The following SH3BP4 variants were observed in gnomAD, a reference collection of about 807,000 sequenced individuals.
SH3BP4 encodes SH3 domain binding protein 4.
A neutral mutation model predicts 65.5 loss-of-function variants in SH3BP4; 33 were observed. The observed-to-expected ratio is 0.50, with a 90% CI of 0.38 to 0.67. The LOEUF (loss-of-function observed/expected upper bound fraction) is 0.67, where lower values mean the gene tolerates loss of function less well. Among genes scored for constraint, SH3BP4 ranks in the 30% least tolerant of loss-of-function variants. SH3BP4 has a pLI of 0.00. For missense variants in SH3BP4, 1,134 were observed against 1,261.4 expected, an observed-to-expected ratio of 0.90 and a Z score of 1.53; for synonymous variants, 552 against 545.5, an observed-to-expected ratio of 1.01 and a Z score of -0.17.
At chr2:234,961,567 C>T (rs777973887) in intron 1 of SH3BP4, among the ~76,000 whole-genome samples, 5 of 152,092 alleles carry the variant, frequency 3.3e-5, no homozygotes, top group South Asian at 2.1e-4. Flanking sequence ...CCACTGCGCC[C>T]GGCCTCCATG....
chr2:234,957,131 C>T (rs1470096693), intron 1 of SH3BP4, among the ~76,000 whole-genome samples: 1 of 152,174 alleles, frequency 6.6e-6, no homozygotes, highest in African/African-American at 2.4e-5. Context: ...AGCTGTTCTC[C>T]TACCTCAGCC....
intron 3 of SH3BP4, among the ~76,000 whole-genome samples, chr2:235,037,177 A>G (rs1378099229): frequency 6.6e-6 from 1 of 152,196 alleles, no homozygotes; most frequent in Non-Finnish European, 1.5e-5. Flanking sequence ...TTTGTATTAA[A>G]ATCAAGGTGG....
chr2:235,025,036 A>G (rs1694956358), intron 2 of SH3BP4, among the ~76,000 whole-genome samples: 1 of 152,004 alleles, frequency 6.6e-6, no homozygotes, highest in African/African-American at 2.4e-5. Context: ...GCTTGGAAGT[A>G]TTTCTGGTCT....
chr2:235,007,882 G>A (rs879499297), intron 2 of SH3BP4, among the ~76,000 whole-genome samples: 6 of 152,212 alleles, frequency 3.9e-5, no homozygotes, highest in Non-Finnish European at 7.3e-5. Flanking sequence ...ATGCGCCAGC[G>A]AGGAGACCAG....
At chr2:235,010,677 T>G (rs2106295195) in intron 2 of SH3BP4, among the ~76,000 whole-genome samples, 1 of 152,288 alleles carries the variant, frequency 6.6e-6, no homozygotes, top group Middle Eastern at 3.4e-3. Flanking sequence ...GGCTGGAGCC[T>G]GAAAGCAAGA....
chr2:235,049,771 T>G (rs939785136), intron 4 of SH3BP4, among the ~76,000 whole-genome samples: 2 of 152,230 alleles, frequency 1.3e-5, no homozygotes, highest in Non-Finnish European at 2.9e-5. Context: ...CCCAATTCCA[T>G]GTGGGGCTCA....
Position 235,042,877 on chromosome 2 carries a change from A to G in SH3BP4, c.2108A>G (p.Tyr703Cys), listed in dbSNP as rs1441745577. Reference protein sequence around the residue: ...LRGQLWTKEWYIGYYQGRVGL... With the variant: ...LRGQLWTKEWCIGYYQGRVGL... ...GGCCAGCTGTGGACCAAGGAGTGGTACATCGGCTACTACCAGGGCAGGGTG... is the reference window on the plus strand; with the variant it reads ...GGCCAGCTGTGGACCAAGGAGTGGTGCATCGGCTACTACCAGGGCAGGGTG... Residue 703 changes from tyrosine to cysteine, a missense_variant, in exon 4 of 6, where the codon TAC becomes TGC. Coordinates refer to ENST00000392011, the MANE Select transcript of SH3BP4 (RefSeq NM_014521.3). This position sits in a 1 kb window ranked among gnomAD's most constrained non-coding sequence, Gnocchi z 7.3. 6.2e-7 allele frequency: 1 copy of G among 1,613,528 alleles called. No homozygotes were observed. The highest frequency in any genetic ancestry group is 8.5e-7 in the Non-Finnish European group (1 of 1,179,976).
chr2:234,989,617 G>A (rs1693686831), intron 1 of SH3BP4, among the ~76,000 whole-genome samples: 1 of 152,204 alleles, frequency 6.6e-6, no homozygotes, highest in Non-Finnish European at 1.5e-5. Context: ...CATAAGGTCT[G>A]TGTCACAGCT....
rs572079984 is a variant in SH3BP4, at chr2:234,997,862, C to G, written c.-133+2486C>G. On this transcript the variant is annotated intron_variant, in intron 2 of 5. Transcript: ENST00000392011. This position sits in a 1 kb window ranked among gnomAD's most constrained non-coding sequence, Gnocchi z 4.2. ...AGAAGACTGGGTGCGGTGGCTCATG[C>G]CTGTAATCCCAGCACTTTGGGAGGC... 4.6e-5 allele frequency among the ~76,000 whole-genome samples: 7 copies of G among 152,300 alleles called. No individual in the cohort carries two copies. The South Asian group carries it at 1.4e-3, about 32-fold the overall frequency.
chr2:235,052,483 C>T lies in SH3BP4; in HGVS notation c.2479-79C>T, dbSNP rs1353256221. 8 of 1,177,882 alleles carry T rather than the reference C, an allele frequency of 6.8e-6. No homozygotes were observed. The highest frequency in any genetic ancestry group is 8.2e-6 in the Non-Finnish European group (7 of 857,348). 73.0% of individuals were successfully genotyped at this position (1,177,882 alleles called of 1,614,324 possible). On this transcript the variant is annotated intron_variant, in intron 4 of 5. Coordinates refer to ENST00000392011, the MANE Select transcript of SH3BP4 (RefSeq NM_014521.3). This position sits in a 1 kb window ranked among gnomAD's most constrained non-coding sequence, Gnocchi z 5.0. ...AGAGAGCCCATGGCCATTCCTGCGC[C>T]GTCTGCTGGAATTCTGCGGGGAGCA...
At chr2:235,017,220 T>C (rs1416603968) in intron 2 of SH3BP4, among the ~76,000 whole-genome samples, 3 of 151,616 alleles carry the variant, frequency 2.0e-5, no homozygotes, top group East Asian at 1.9e-4. Context: ...GAGGCCAAGG[T>C]GGGTGGATCA....
chr2:235,021,439 C>A (rs953109365), intron 2 of SH3BP4, among the ~76,000 whole-genome samples: 2 of 151,334 alleles, frequency 1.3e-5, no homozygotes, highest in Non-Finnish European at 2.9e-5. Flanking sequence ...CATGGTGAAA[C>A]CCTGTCTCTA....
intron 2 of SH3BP4, among the ~76,000 whole-genome samples, chr2:235,031,903 C>G (rs1483138207): frequency 1.3e-5 from 2 of 152,274 alleles, no homozygotes; most frequent in Admixed American, 1.3e-4. Flanking sequence ...CTTTGCAGAG[C>G]CAGGACATGC....
rs1388116711 is a variant in SH3BP4, at chr2:234,977,340, G to T, written c.-206-17963G>T. On this transcript the variant is annotated intron_variant, in intron 1 of 5. Transcript: ENST00000392011. This position sits in a 1 kb window ranked among gnomAD's most constrained non-coding sequence, Gnocchi z 5.1. ...CAGCTGGGCCCAGGCCTCCCAGTTG[G>T]GCCGAGGCCCATCTCTTTTCCCAAC... is the stretch of plus-strand genomic sequence containing the variant. 6.6e-6 allele frequency among the ~76,000 whole-genome samples: 1 copy of T among 152,174 alleles called. No individual in the cohort carries two copies. The highest frequency in any genetic ancestry group is 1.5e-5 in the Non-Finnish European group (1 of 68,026).
intron 1 of SH3BP4, among the ~76,000 whole-genome samples, chr2:234,958,065 G>T (rs1036270013): frequency 6.6e-6 from 1 of 151,968 alleles, no homozygotes; most frequent in East Asian, 1.9e-4. Flanking sequence ...GAAGTCAGGG[G>T]GTCAGGATGA....
At chr2:235,016,802 A>T (rs996379951) in intron 2 of SH3BP4, among the ~76,000 whole-genome samples, 10 of 152,024 alleles carry the variant, frequency 6.6e-5, no homozygotes, top group Non-Finnish European at 1.0e-4. Flanking sequence ...AGCCACCTCA[A>T]CTCATCTTTT....
intron 1 of SH3BP4, among the ~76,000 whole-genome samples, chr2:234,992,958 G>A (rs1693798142): frequency 6.6e-6 from 1 of 151,930 alleles, no homozygotes; most frequent in Admixed American, 6.5e-5. Context: ...CTGGGTCTGG[G>A]CAGCACCTGG....
intron 1 of SH3BP4, among the ~76,000 whole-genome samples, chr2:234,960,702 C>T (rs1359412176): frequency 3.3e-5 from 5 of 152,158 alleles, no homozygotes; most frequent in Admixed American, 1.3e-4. Context: ...AGGATTTTTC[C>T]GTGGTTTTGG....
chr2:234,979,804 GCAGATGACCCTGGAGGACCCCTCCCC>G (rs150239118), intron 1 of SH3BP4: 87,274 of 150,766 alleles, frequency 0.58, 26,827 homozygotes, highest in East Asian at 0.88. Context: ...GCTACAACAA[GCAGATGACCCTGGAGGACCCCTCCCC>G]CAGATGACCC....
Sources: gnomAD v4.1 joint callset for allele counts (sites outside exome capture counted in the v4.1 genomes callset) on GRCh38, gnomAD v4.1.1 for gene constraint, Gnocchi (gnomAD v3.1) non-coding constraint, MANE v1.5 for transcripts, NCBI Gene and HGNC (gene_info 2026-07-23, HGNC 2026-07-21) for gene names.